Variants in ADPRM observed in about 807,000 individuals in gnomAD.
ADPRM encodes the protein manganese-dependent ADP-ribose/CDP-alcohol diphosphatase.
A neutral mutation model predicts 27.2 loss-of-function variants in ADPRM; 17 were observed. The observed-to-expected ratio is 0.63, with a 90% CI of 0.43 to 0.94. The LOEUF (loss-of-function observed/expected upper bound fraction) is 0.94. ADPRM is among the 40% of genes least tolerant of loss of function. ADPRM has a pLI of 0.00. For missense variants in ADPRM, 337 were observed against 412.8 expected, an observed-to-expected ratio of 0.82 and a Z score of 1.59; for synonymous variants, 135 against 145.3, an observed-to-expected ratio of 0.93 and a Z score of 0.51.
chr17:10,703,073 TG>T (rs1386562864), intron 1 of ADPRM, among the ~76,000 whole-genome samples: 2 of 152,194 alleles, frequency 1.3e-5, no homozygotes, highest in African/African-American at 4.8e-5. Flanking sequence ...ATAACCTTAA[TG>T]GTTAATATCA....
At chr17:10,708,428 T>C (rs1440155628) in intron 3 of ADPRM, among the ~76,000 whole-genome samples, 1 of 19,584 alleles carries the variant, frequency 5.1e-5, no homozygotes, top group Non-Finnish European at 7.8e-5. Flanking sequence ...AAACTCCGTC[T>C]CAAAAAAAAA....
chr17:10,697,602 CG>C lies in ADPRM; in HGVS notation c.-82del. ...TCGGAAGGAGTCGCTCTGTCCGTCC[CG>C]CTCGTTGGTGGCGCTGTTACATAGC... On this transcript the variant is annotated 5_prime_UTR_variant, in exon 1 of 4. Coordinates refer to ENST00000379774, the MANE Select transcript of ADPRM (RefSeq NM_020233.5). 1 of 1,483,830 alleles carries C rather than the reference CG, an allele frequency of 6.7e-7. No individual in the cohort carries two copies. The allele number at this position is 1,483,830 out of a possible 1,614,324, so 91.9% of individuals were successfully genotyped here. A position where few individuals can be genotyped will look rare whatever the true frequency, so the allele number is the denominator to read the frequency against.
At chr17:10,710,764 T>C (rs1354903051) in intron 3 of ADPRM, 70 bp from the exon 4 acceptor site, 1 of 1,445,894 alleles carries the variant, frequency 6.9e-7, no homozygotes, top group East Asian at 2.3e-5. Context: ...GTACTAGCTT[T>C]TAGCCATTTA....
rs1426289082 is a variant in ADPRM, at chr17:10,711,283, A to G, written c.*139A>G. 4 of 711,668 alleles carry G rather than the reference A, an allele frequency of 5.6e-6. No individual in the cohort carries two copies. The highest frequency in any genetic ancestry group is 9.1e-6 in the Non-Finnish European group (4 of 441,404). 44.1% of individuals were successfully genotyped at this position (711,668 alleles called of 1,614,324 possible). ...TTATAGTTTCAGTGTGTGATGGTTG[A>G]TAAAATACTCAGAAATGTTATTTTG... is the stretch of plus-strand genomic sequence containing the variant. On this transcript the variant is annotated 3_prime_UTR_variant, in exon 4 of 4. Transcript: ENST00000379774.
At chr17:10,706,688 T>G (rs1230295222) in intron 3 of ADPRM, 134 bp downstream of exon 3, 4 of 534,730 alleles carry the variant, frequency 7.5e-6, no homozygotes, top group South Asian at 3.2e-5. Flanking sequence ...AAATTTCTAT[T>G]GAGAAACCAC....
chr17:10,699,649 C>T (rs576918433), intron 1 of ADPRM, among the ~76,000 whole-genome samples: 2 of 151,644 alleles, frequency 1.3e-5, no homozygotes, highest in South Asian at 2.1e-4. Context: ...CTCATCCTCC[C>T]GTGTAGCTGG....
chr17:10,707,666 C>T (rs982193076), intron 3 of ADPRM, among the ~76,000 whole-genome samples: 4 of 152,218 alleles, frequency 2.6e-5, no homozygotes, highest in African/African-American at 9.6e-5. Context: ...GGCCACCAAA[C>T]AGAGGCCACT....
Position 10,705,878 on chromosome 17 carries a change from G to A in ADPRM, c.601+351G>A, listed in dbSNP as rs2662972. 9,492 of 289,222 alleles carry A rather than the reference G, an allele frequency of 0.033. 826 individuals are homozygous for A. Among genetic ancestry groups the A allele is most frequent in the African/African-American group, 0.19 (8,620 of 46,188 alleles). 17.9% of individuals were successfully genotyped at this position (289,222 alleles called of 1,614,324 possible). A position where few individuals can be genotyped will look rare whatever the true frequency, so the allele number is the denominator to read the frequency against. ...CAGAAACAAGATTATTTCCACGGTC[G>A]TAAGTGCTGCCAAGGAAATAGAGTA... On this transcript the variant is annotated intron_variant, in intron 2 of 3. Transcript: ENST00000379774. This position sits in a 1 kb window ranked among gnomAD's most constrained non-coding sequence, Gnocchi z 5.4.
chr17:10,706,220 G>GA (rs1164732296), intron 2 of ADPRM, among the ~76,000 whole-genome samples: 1 of 152,138 alleles, frequency 6.6e-6, no homozygotes, highest in Non-Finnish European at 1.5e-5. Flanking sequence ...TAATATAATG[G>GA]AAAGCCAGCG....
chr17:10,709,348 G>A (rs528717544), intron 3 of ADPRM, among the ~76,000 whole-genome samples: 11 of 152,280 alleles, frequency 7.2e-5, no homozygotes, highest in South Asian at 2.1e-4. Context: ...GATAATAAAC[G>A]TGGAAGTTGA....
At chr17:10,700,582 T>C (rs564069854) in intron 1 of ADPRM, among the ~76,000 whole-genome samples, 1 of 149,190 alleles carries the variant, frequency 6.7e-6, no homozygotes, top group East Asian at 2.0e-4. Flanking sequence ...CAAAACCCTA[T>C]CTCTACAAAA....
chr17:10,703,723 GA>G (rs1283106486), intron 1 of ADPRM, among the ~76,000 whole-genome samples: 3 of 152,132 alleles, frequency 2.0e-5, no homozygotes, highest in Non-Finnish European at 4.4e-5. Context: ...AGTAATTTTA[GA>G]AAGTCAAATG....
Position 10,711,182 on chromosome 17 carries a change from G to T in ADPRM, c.*38G>T. The T allele has an allele frequency of 6.6e-7, 1 of 1,514,376 alleles. No homozygotes were observed. Among genetic ancestry groups the T allele is most frequent in the Non-Finnish European group, 9.0e-7 (1 of 1,115,694 alleles). The allele number at this position is 1,514,376 out of a possible 1,614,324, so 93.8% of individuals were successfully genotyped here. On this transcript the variant is annotated 3_prime_UTR_variant, in exon 4 of 4. Coordinates refer to ENST00000379774, the MANE Select transcript of ADPRM (RefSeq NM_020233.5). ...TAACTTGATAGAAAATGAGCTTTGT[G>T]TTTGTCCCTCCTAAACAAAAAAATA... is the stretch of plus-strand genomic sequence containing the variant.
At position 10,705,201 on chromosome 17, in the gene ADPRM, T is replaced by G. The variant is rs34940296; in HGVS notation, c.275T>G (p.Leu92Arg). ...QYNASKKSLE[L>R]VMDMFKRLKV... ...AATGCATCCAAAAAGTCCCTAGAACTTGTTATGGACATGTTCAAGAGGCTT... is the reference window on the plus strand; with the variant it reads ...AATGCATCCAAAAAGTCCCTAGAACGTGTTATGGACATGTTCAAGAGGCTT... Residue 92 changes from leucine (L) to arginine (R), a missense_variant, in exon 2 of 4, where the codon CTT (leucine) becomes CGT (arginine). Physicochemically the swap from Leu to Arg is moderately radical, Grantham distance 102. Coordinates refer to ENST00000379774, the MANE Select transcript of ADPRM (RefSeq NM_020233.5). The surrounding 1 kb of genome is among the most constrained non-coding windows in gnomAD (Gnocchi z 5.4). 0.017 allele frequency: 26,971 copies of G among 1,614,100 alleles called. 319 individuals carry two copies. Among genetic ancestry groups the G allele is most frequent in the Middle Eastern group, 0.045 (274 of 6,062 alleles).
At position 10,706,338 on chromosome 17, in the gene ADPRM, T is replaced by G. The variant is rs2074812362; in HGVS notation, c.602-100T>G. 9 of 735,832 alleles carry G rather than the reference T, an allele frequency of 1.2e-5. No homozygotes were observed. The South Asian group carries it at 1.5e-4, about 12-fold the overall frequency. 45.6% of individuals were successfully genotyped at this position (735,832 alleles called of 1,614,324 possible). ...TAAGTTGATTGTTGCTAATCAGATA[T>G]TCCTAAAGAAAAAACAAGTGTCCCT... is the stretch of plus-strand genomic sequence containing the variant. On this transcript the variant is annotated intron_variant, in intron 2 of 3. Coordinates refer to ENST00000379774, the MANE Select transcript of ADPRM (RefSeq NM_020233.5).
rs753232751 is a variant in ADPRM, at chr17:10,704,923, G to C, written c.-4G>C. 1 of 1,577,446 alleles carries C rather than the reference G, an allele frequency of 6.3e-7. No homozygotes were observed. The highest frequency in any genetic ancestry group is 8.6e-7 in the Non-Finnish European group (1 of 1,165,192). On this transcript the variant is annotated 5_prime_UTR_variant, in exon 2 of 4. Coordinates refer to ENST00000379774, the MANE Select transcript of ADPRM (RefSeq NM_020233.5). The stretch of plus-strand genomic sequence containing the variant: ...TACTTTATTTAGAAACCTGTTTGGA[G>C]GTTATGGATGATAAACCCAATCCTG...
Position 10,697,636 on chromosome 17 carries a change from C to G in ADPRM, c.-49C>G. 1 of 1,198,564 alleles carries G rather than the reference C, an allele frequency of 8.3e-7. No individual in the cohort carries two copies. Among genetic ancestry groups the G allele is most frequent in the Non-Finnish European group, 1.2e-6 (1 of 830,844 alleles). The allele number at this position is 1,198,564 out of a possible 1,614,324, so 74.2% of individuals were successfully genotyped here. ...GTGGCGCTGTTACATAGCCCGTAGT[C>G]AGAGGCCTTTCAGCCCAGGGGCCGG... On this transcript the variant is annotated 5_prime_UTR_variant, in exon 1 of 4. Coordinates refer to ENST00000379774, the MANE Select transcript of ADPRM (RefSeq NM_020233.5).
In ADPRM at chr17:10,704,955, T is replaced by G. The variant is rs549050775; in HGVS notation, c.29T>G (p.Leu10Arg). The G allele has an allele frequency of 1.4e-4, 220 of 1,612,484 alleles. 5 individuals are homozygous for G. The South Asian group carries it at 2.4e-3, about 18-fold the overall frequency. Residue 10 changes from leucine (L) to arginine (R), a missense_variant, in exon 2 of 4, where the codon CTA (leucine) becomes CGA (arginine). Leu to Arg is a moderately radical substitution (Grantham distance 102). Transcript: ENST00000379774. Reference protein sequence around the residue: MDDKPNPEALSDSSERLFSF... With the variant: MDDKPNPEARSDSSERLFSF... ...GATGATAAACCCAATCCTGAAGCCCTAAGTGACAGTTCAGAGCGTCTTTTC... is the reference window on the plus strand; with the variant it reads ...GATGATAAACCCAATCCTGAAGCCCGAAGTGACAGTTCAGAGCGTCTTTTC...
intron 1 of ADPRM, among the ~76,000 whole-genome samples, chr17:10,703,398 G>T (rs181741183): frequency 6.4e-4 from 97 of 152,264 alleles, no homozygotes; most frequent in Admixed American, 4.2e-3. Flanking sequence ...CATGTTTAAG[G>T]ATTTCCATCT....
Sources: allele counts gnomAD v4.1 joint callset (sites outside exome capture counted in the v4.1 genomes callset), GRCh38; gene constraint gnomAD v4.1.1; non-coding constraint Gnocchi (gnomAD v3.1); transcripts MANE v1.5; gene names NCBI Gene and HGNC (gene_info 2026-07-23, HGNC 2026-07-21).